DCC: variants seen among roughly 807,000 people sequenced by gnomAD.
The protein encoded by DCC is DCC netrin 1 receptor.
DCC carries 58 observed loss-of-function variants against 172.5 expected under a neutral mutation model. The ratio of observed to expected loss-of-function variants is 0.34; its 90% confidence interval spans 0.27 to 0.42. The LOEUF (loss-of-function observed/expected upper bound fraction) is 0.42. DCC is among the 10% of genes least tolerant of loss of function. The pLI, the probability that DCC is intolerant of heterozygous loss-of-function variation, is 1.00. For synonymous variants in DCC, 709 were observed against 644.5 expected (o/e 1.10, Z -1.52); for missense variants, 1,740 against 1,791.0 (o/e 0.97, Z 0.51).
intron 9 of DCC, among the ~76,000 whole-genome samples, chr18:53,199,252 G>A (rs776767386): frequency 5.3e-5 from 8 of 151,574 alleles, no homozygotes; most frequent in African/African-American, 9.7e-5. Flanking sequence ...CACCACGCCT[G>A]GCTAATTTTT....
chr18:52,572,775 T>C (rs972205041), intron 1 of DCC, among the ~76,000 whole-genome samples: 1 of 152,144 alleles, frequency 6.6e-6, no homozygotes, highest in South Asian at 2.1e-4. Context: ...TGATATAAAG[T>C]GCGGGGAGGG....
intron 27 of DCC, among the ~76,000 whole-genome samples, chr18:53,500,912 ATACTACATTATGGGGAGGATC>A (rs931014290): frequency 3.9e-5 from 6 of 152,106 alleles, no homozygotes; most frequent in African/African-American, 1.4e-4. Context: ...CACTCCACAC[ATACTACATTATGGGGAGGATC>A]TGCTACTTTA....
chr18:52,515,484 G>A (rs1275763472), intron 1 of DCC, among the ~76,000 whole-genome samples: 1 of 150,896 alleles, frequency 6.6e-6, no homozygotes, highest in Non-Finnish European at 1.5e-5. Flanking sequence ...GCAGGCGCCT[G>A]TAGTCCCAGC....
intron 1 of DCC, among the ~76,000 whole-genome samples, chr18:52,748,476 G>A (rs1477127682): frequency 6.6e-6 from 1 of 152,194 alleles, no homozygotes; most frequent in African/African-American, 2.4e-5. Flanking sequence ...CACAGTGAAC[G>A]GGGCAAGGGG....
intron 27 of DCC, among the ~76,000 whole-genome samples, chr18:53,525,565 T>C (rs2046445702): frequency 6.6e-6 from 1 of 152,122 alleles, no homozygotes; most frequent in South Asian, 2.1e-4. Flanking sequence ...ATTAGATTTA[T>C]TTATTATTTT....
chr18:52,364,402 T>C (rs1450002592), intron 1 of DCC, among the ~76,000 whole-genome samples: 1 of 152,212 alleles, frequency 6.6e-6, no homozygotes, highest in Non-Finnish European at 1.5e-5. Flanking sequence ...AAAATTTTGA[T>C]AAACATTGCA....
At chr18:52,920,698 A>G (rs942331813) in intron 3 of DCC, among the ~76,000 whole-genome samples, 5 of 152,132 alleles carry the variant, frequency 3.3e-5, no homozygotes, top group Non-Finnish European at 7.4e-5. Flanking sequence ...TTGAGTTGAA[A>G]ATTTATGTCC....
intron 1 of DCC, among the ~76,000 whole-genome samples, chr18:52,422,858 T>A (rs1987296381): frequency 1.3e-5 from 2 of 152,248 alleles, no homozygotes; most frequent in South Asian, 4.2e-4. Context: ...GGAAGGTTGG[T>A]CAACAGCCAC....
At chr18:52,720,817 A>G (rs1259521445) in intron 1 of DCC, among the ~76,000 whole-genome samples, 2 of 152,188 alleles carry the variant, frequency 1.3e-5, no homozygotes, top group Non-Finnish European at 2.9e-5. Flanking sequence ...CTAGGTGCAC[A>G]TGGGACCCCT....
rs781071030 is a variant in DCC at position 53,499,276 on chromosome 18, A to T, written c.3899-22A>T. 12 of 1,612,684 alleles carry T rather than the reference A, an allele frequency of 7.4e-6. No individual in the cohort carries two copies. The Admixed American group carries it at 1.5e-4, about 20-fold the overall frequency. ...AGACTTTGTCCAGGAATAATGAATG[A>T]CTTTTCTTGTCTCCACTGCAGCAGT... On this transcript the variant is annotated intron_variant, in intron 26 of 28. Transcript: ENST00000442544.
intron 12 of DCC, 52 bp downstream of exon 12, chr18:53,215,649 T>C: frequency 2.1e-6 from 3 of 1,445,334 alleles, no homozygotes; most frequent in African/African-American, 1.4e-5. Flanking sequence ...TTACCTATCA[T>C]GTATAACCTT....
At chr18:52,685,739 T>A (rs539069671) in intron 1 of DCC, among the ~76,000 whole-genome samples, 12 of 152,256 alleles carry the variant, frequency 7.9e-5, no homozygotes, top group Middle Eastern at 3.4e-3. Context: ...AAATATATAC[T>A]GTTCAAGTAC....
chr18:53,072,351 T>C (rs2042665801), intron 7 of DCC, among the ~76,000 whole-genome samples: 1 of 152,158 alleles, frequency 6.6e-6, no homozygotes, highest in South Asian at 2.1e-4. Context: ...AGCAATTATC[T>C]GGAGCTGGGG....
intron 13 of DCC, among the ~76,000 whole-genome samples, chr18:53,315,202 G>A (rs141824188): frequency 6.6e-6 from 1 of 152,166 alleles, no homozygotes; most frequent in Non-Finnish European, 1.5e-5. Context: ...TTATGAGTGA[G>A]AACATGTGGT....
chr18:52,351,197 G>A (rs905868510), intron 1 of DCC, among the ~76,000 whole-genome samples: 3 of 152,062 alleles, frequency 2.0e-5, no homozygotes, highest in African/African-American at 7.2e-5. Context: ...CCCCATGGTG[G>A]GAGGAAAAAT....
chr18:53,106,128 G>C (rs1159157787), intron 7 of DCC, among the ~76,000 whole-genome samples: 3 of 151,838 alleles, frequency 2.0e-5, no homozygotes, highest in Non-Finnish European at 4.4e-5. Context: ...TGACACATCA[G>C]ATTGTTTTCT....
intron 2 of DCC, among the ~76,000 whole-genome samples, chr18:52,898,407 C>T (rs1005247682): frequency 3.3e-5 from 5 of 152,126 alleles, no homozygotes; most frequent in African/African-American, 7.2e-5. Flanking sequence ...TCCCTAGAGG[C>T]GGCAAGTCTT....
intron 1 of DCC, among the ~76,000 whole-genome samples, chr18:52,589,865 G>A (rs1304765649): frequency 1.3e-5 from 2 of 152,112 alleles, no homozygotes; most frequent in East Asian, 3.9e-4. Flanking sequence ...CTGAGATATT[G>A]CACAGTTTGT....
At chr18:52,795,114 G>C (rs972049356) in intron 2 of DCC, among the ~76,000 whole-genome samples, 2 of 151,942 alleles carry the variant, frequency 1.3e-5, no homozygotes, top group African/African-American at 4.8e-5. Flanking sequence ...TCTTTGTCTG[G>C]TGTTGGTATC....
Sources: allele counts gnomAD v4.1 joint callset (sites outside exome capture counted in the v4.1 genomes callset), GRCh38; gene constraint gnomAD v4.1.1; transcripts MANE v1.5; gene names NCBI Gene and HGNC (gene_info 2026-07-23, HGNC 2026-07-21).